The following CSGALNACT1 variants were observed in gnomAD, a reference collection of about 807,000 sequenced individuals.
CSGALNACT1 encodes beta4GalNAcT-1.
Under a neutral mutation model 51.0 loss-of-function variants are expected in CSGALNACT1, and 52 were observed. The observed-to-expected ratio is 1.02, with a 90% confidence interval of 0.82 to 1.29. The LOEUF (loss-of-function observed/expected upper bound fraction) is 1.29, where lower values mean the gene tolerates loss of function less well. CSGALNACT1 is among the 50% of genes most tolerant of loss of function. The pLI is 0.00. For missense variants in CSGALNACT1, 935 were observed against 679.2 expected (o/e 1.38, Z -4.19); for synonymous variants, 341 against 254.4 (o/e 1.34, Z -3.24).
At chr8:19,407,227 G>T (rs2054401978) in intron 9 of CSGALNACT1, among the ~76,000 whole-genome samples, 1 of 151,974 alleles carries the variant, frequency 6.6e-6, no homozygotes, top group South Asian at 2.1e-4. Context: ...TTCCTTGGGG[G>T]GTTCTGTAGT....
At chr8:19,552,662 C>T (rs2154084039) in intron 3 of CSGALNACT1, among the ~76,000 whole-genome samples, 1 of 152,246 alleles carries the variant, frequency 6.6e-6, no homozygotes, top group East Asian at 1.9e-4. Flanking sequence ...ATGTGGATGG[C>T]ACTTCAATAC....
At chr8:19,419,832 G>A (rs916134245) in intron 7 of CSGALNACT1, among the ~76,000 whole-genome samples, 3 of 152,284 alleles carry the variant, frequency 2.0e-5, no homozygotes, top group East Asian at 3.9e-4. Context: ...CAAACCAGAT[G>A]GTGACGTGGT....
At chr8:19,503,142 T>C (rs1028250665) in intron 4 of CSGALNACT1, among the ~76,000 whole-genome samples, 2 of 152,260 alleles carry the variant, frequency 1.3e-5, no homozygotes, top group Admixed American at 1.3e-4. Flanking sequence ...CTGCTCATCA[T>C]AGTTCAATCT....
intron 4 of CSGALNACT1, among the ~76,000 whole-genome samples, chr8:19,484,809 G>A (rs1006473097): frequency 2.0e-5 from 3 of 152,120 alleles, no homozygotes; most frequent in Admixed American, 6.6e-5. Context: ...TGCTCTGGTG[G>A]GTCCTAATCC....
chr8:19,701,732 C>T (rs1302033022), intron 1 of CSGALNACT1, among the ~76,000 whole-genome samples: 2 of 152,138 alleles, frequency 1.3e-5, no homozygotes, highest in East Asian at 1.9e-4. Context: ...CTACATGTCA[C>T]GTACTGAAGC....
intron 1 of CSGALNACT1, among the ~76,000 whole-genome samples, chr8:19,656,805 C>T (rs970944976): frequency 2.2e-4 from 33 of 152,134 alleles, no homozygotes; most frequent in African/African-American, 7.5e-4. Context: ...CAGTGGCTCA[C>T]GCCTGTTATC....
intron 3 of CSGALNACT1, among the ~76,000 whole-genome samples, chr8:19,560,385 G>A (rs149245620): frequency 2.0e-5 from 3 of 152,104 alleles, no homozygotes; most frequent in Admixed American, 1.3e-4. Flanking sequence ...AGTGGCTGAC[G>A]AATATGACTA....
At chr8:19,423,664 TA>T in intron 6 of CSGALNACT1, among the ~76,000 whole-genome samples, 1 of 152,150 alleles carries the variant, frequency 6.6e-6, no homozygotes, top group Non-Finnish European at 1.5e-5. Flanking sequence ...TTTTAAGCCT[TA>T]AAATGTAAAT....
intron 3 of CSGALNACT1, among the ~76,000 whole-genome samples, chr8:19,530,903 G>T (rs1296943773): frequency 6.6e-6 from 1 of 152,156 alleles, no homozygotes; most frequent in East Asian, 1.9e-4. Context: ...GGAGTGTGTG[G>T]AGTTACTGCC....
intron 1 of CSGALNACT1, among the ~76,000 whole-genome samples, chr8:19,631,157 T>C (rs955485503): frequency 2.0e-5 from 3 of 152,240 alleles, no homozygotes; most frequent in East Asian, 1.9e-4. Flanking sequence ...AAAGTTGCTA[T>C]AAGCATTTCA....
intron 3 of CSGALNACT1, among the ~76,000 whole-genome samples, chr8:19,581,115 G>C (rs2045469347): frequency 6.6e-6 from 1 of 152,220 alleles, no homozygotes; most frequent in South Asian, 2.1e-4. Flanking sequence ...TTCCAAAACT[G>C]ATGAAAGGTA....
At chr8:19,655,192 G>A (rs1031322346) in intron 1 of CSGALNACT1, among the ~76,000 whole-genome samples, 1 of 152,154 alleles carries the variant, frequency 6.6e-6, no homozygotes, top group African/African-American at 2.4e-5. Context: ...CTGACTCCGT[G>A]ATGATAGGAT....
chr8:19,488,693 G>A (rs560141998), intron 4 of CSGALNACT1, among the ~76,000 whole-genome samples: 1 of 151,900 alleles, frequency 6.6e-6, no homozygotes, highest in Non-Finnish European at 1.5e-5. Flanking sequence ...CATTTTATTG[G>A]GCCAGGCACT....
At chr8:19,633,946 T>A (rs1255366321) in intron 1 of CSGALNACT1, among the ~76,000 whole-genome samples, 4 of 152,074 alleles carry the variant, frequency 2.6e-5, no homozygotes, top group African/African-American at 9.7e-5. Context: ...CCAGACTTCT[T>A]TCCCAACCGA....
intron 1 of CSGALNACT1, among the ~76,000 whole-genome samples, chr8:19,721,694 G>A (rs371275888): frequency 2.0e-5 from 3 of 152,138 alleles, no homozygotes; most frequent in Admixed American, 6.5e-5. Flanking sequence ...TGAAAAGACC[G>A]CCAAAGTCTT....
intron 5 of CSGALNACT1, among the ~76,000 whole-genome samples, chr8:19,443,664 G>T (rs1245371065): frequency 1.3e-5 from 2 of 152,160 alleles, no homozygotes; most frequent in East Asian, 1.9e-4. Flanking sequence ...GTGATTCAAT[G>T]ATCTCCACCT....
intron 1 of CSGALNACT1, among the ~76,000 whole-genome samples, chr8:19,633,192 A>C (rs1273666668): frequency 6.6e-6 from 1 of 152,156 alleles, no homozygotes; most frequent in African/African-American, 2.4e-5. Flanking sequence ...TGCCGAATTA[A>C]GAGGGCTTCC....
intron 4 of CSGALNACT1, among the ~76,000 whole-genome samples, chr8:19,487,164 C>A (rs555061224): frequency 1.1e-3 from 161 of 152,272 alleles, no homozygotes; most frequent in African/African-American, 3.4e-3. Context: ...TCCCCAAAAG[C>A]TTTTGCTTTA....
Position 19,555,313 on chromosome 8 carries a change from G to T in CSGALNACT1, c.-297+35847C>A, listed in dbSNP as rs144291675. On this transcript the variant is annotated intron_variant, in intron 3 of 9. Transcript: ENST00000454498. ...GAGTTAAAAGCAGCTCTCTAAGGGGGACCATCAATATCAAATGGAGGCAAC... is the reference window on the plus strand; with the variant it reads ...GAGTTAAAAGCAGCTCTCTAAGGGGTACCATCAATATCAAATGGAGGCAAC... Among the ~76,000 whole-genome samples, 1,397 of 152,190 alleles carry T rather than the reference G, an allele frequency of 9.2e-3. 21 individuals carry two copies. Among genetic ancestry groups the T allele is most frequent in the African/African-American group, 0.031 (1,303 of 41,534 alleles).
Sources: gnomAD v4.1 joint callset for allele counts (sites outside exome capture counted in the v4.1 genomes callset) on GRCh38, gnomAD v4.1.1 for gene constraint, MANE v1.5 for transcripts, NCBI Gene and HGNC (gene_info 2026-07-23, HGNC 2026-07-21) for gene names.